The following PRKN variants were observed in gnomAD, a reference collection of about 807,000 sequenced individuals.
PRKN encodes parkin RBR E3 ubiquitin protein ligase.
In PRKN, 56 loss-of-function variants were observed where a neutral mutation model predicts 59.5. The ratio of observed to expected loss-of-function variants is 0.94; its 90% confidence interval spans 0.76 to 1.18. The LOEUF (loss-of-function observed/expected upper bound fraction) is 1.18. Ranked by LOEUF, PRKN falls within the 50% of genes most tolerant of loss-of-function variation. PRKN has a pLI of 0.00. For missense variants in PRKN, 657 were observed against 596.4 expected (o/e 1.10, Z -1.06); for synonymous variants, 250 against 222.1 (o/e 1.13, Z -1.12).
At chr6:162,374,113 G>A (rs1785913925) in intron 2 of PRKN, among the ~76,000 whole-genome samples, 1 of 152,202 alleles carries the variant, frequency 6.6e-6, no homozygotes, top group African/African-American at 2.4e-5. Flanking sequence ...AATACGCAAG[G>A]AGGCAGCTTA....
chr6:162,673,649 G>C (rs188151894), intron 1 of PRKN, among the ~76,000 whole-genome samples: 2 of 152,270 alleles, frequency 1.3e-5, no homozygotes, highest in Admixed American at 6.5e-5. Flanking sequence ...GCCTCCTAAA[G>C]TGCTGGGATT....
chr6:162,443,090 C>T (rs1056447148), intron 2 of PRKN, among the ~76,000 whole-genome samples: 5 of 152,134 alleles, frequency 3.3e-5, no homozygotes, highest in African/African-American at 1.2e-4. Context: ...TTCTCTCTCT[C>T]TTTCTCACTC....
chr6:161,493,763 GCTT>G (rs1777644523), intron 9 of PRKN, among the ~76,000 whole-genome samples: 1 of 152,218 alleles, frequency 6.6e-6, no homozygotes, highest in Non-Finnish European at 1.5e-5. Context: ...AGAAGCAAAA[GCTT>G]CTTCTCTTGG....
intron 9 of PRKN, among the ~76,000 whole-genome samples, chr6:161,434,874 G>C (rs1267537479): frequency 3.9e-5 from 6 of 152,104 alleles, no homozygotes. Flanking sequence ...AAGACCACAA[G>C]TTTGGCGCGG....
In PRKN at chr6:162,661,130, G is replaced by A. The variant is rs6916679; in HGVS notation, c.7+66532C>T. 5.2e-3 allele frequency among the ~76,000 whole-genome samples: 794 copies of A among 152,090 alleles called. 9 individuals carry two copies. Among genetic ancestry groups the A allele is most frequent in the African/African-American group, 0.018 (739 of 41,510 alleles). ...TACAAAATTAGCCAGGAGTGGTGGC[G>A]CATGCCTGTAGTCCCAGCTACTCAG... On this transcript the variant is annotated intron_variant, in intron 1 of 11. Coordinates refer to ENST00000366898, the MANE Select transcript of PRKN (RefSeq NM_004562.3).
At position 162,074,741 on chromosome 6, in the gene PRKN, T is replaced by C. The variant is rs143261617; in HGVS notation, c.535-20567A>G. On this transcript the variant is annotated intron_variant, in intron 4 of 11. Transcript: ENST00000366898. ...GTTTTGACACAGTCAATCACCATCA[T>C]TACTTACCGAGTCCCTCCATGCAGG... Among the ~76,000 whole-genome samples the C allele has an allele frequency of 3.9e-5, 6 of 152,276 alleles. No homozygotes were observed. In the East Asian group the frequency reaches 7.8e-4, roughly 20 times the overall value.
At chr6:162,568,447 G>T in intron 1 of PRKN, 1 of 616,418 alleles carries the variant, frequency 1.6e-6, no homozygotes, top group East Asian at 3.1e-5. Context: ...GCTTCCGGGG[G>T]TGGCCTGGGT....
At chr6:162,131,399 C>T (rs1407956630) in intron 4 of PRKN, among the ~76,000 whole-genome samples, 2 of 152,158 alleles carry the variant, frequency 1.3e-5, no homozygotes, top group Admixed American at 1.3e-4. Flanking sequence ...TCATAGCACA[C>T]ATTTCCAGGT....
chr6:162,583,210 CCT>C (rs1186284688), intron 1 of PRKN, among the ~76,000 whole-genome samples: 1 of 152,192 alleles, frequency 6.6e-6, no homozygotes, highest in Non-Finnish European at 1.5e-5. Flanking sequence ...GACTTCCCAG[CCT>C]CCAGAAGAGT....
chr6:161,642,813 G>T (rs1783791535), intron 7 of PRKN, among the ~76,000 whole-genome samples: 1 of 152,164 alleles, frequency 6.6e-6, no homozygotes, highest in Admixed American at 6.5e-5. Flanking sequence ...AATGTGGTGG[G>T]TTAATCAGAA....
chr6:161,591,237 T>C (rs960329768), intron 7 of PRKN, among the ~76,000 whole-genome samples: 1 of 152,130 alleles, frequency 6.6e-6, no homozygotes, highest in African/African-American at 2.4e-5. Flanking sequence ...GTATGAAAAA[T>C]TCTTTCTCTT....
intron 9 of PRKN, among the ~76,000 whole-genome samples, chr6:161,514,713 G>C (rs931989086): frequency 6.6e-6 from 1 of 152,086 alleles, no homozygotes; most frequent in Admixed American, 6.5e-5. Context: ...TCCAGGGAAA[G>C]GGGACCCAGT....
chr6:161,882,352 G>T lies in PRKN; in HGVS notation c.734+90950C>A, dbSNP rs912363980. 6.6e-5 allele frequency among the ~76,000 whole-genome samples: 10 copies of T among 152,244 alleles called. No individual in the cohort carries two copies. In the East Asian group the frequency reaches 1.7e-3, roughly 27 times the overall value. ...AACGGCATGGGGGCGGGGCGGGGGC[G>T]TGCGGTGCAAGAATCAGGCAGGTGG... On this transcript the variant is annotated intron_variant, in intron 6 of 11. Transcript: ENST00000366898.
At chr6:161,916,010 G>T (rs1437680300) in intron 6 of PRKN, among the ~76,000 whole-genome samples, 2 of 151,590 alleles carry the variant, frequency 1.3e-5, no homozygotes, top group African/African-American at 4.8e-5. Context: ...AAATGATAAA[G>T]AAAATAGCTA....
chr6:162,049,047 T>C (rs1777508017), intron 5 of PRKN, among the ~76,000 whole-genome samples: 1 of 152,162 alleles, frequency 6.6e-6, no homozygotes, highest in African/African-American at 2.4e-5. Context: ...GCGATTAGCA[T>C]AAAGCTGAAT....
At chr6:162,608,301 G>A (rs1021263829) in intron 1 of PRKN, among the ~76,000 whole-genome samples, 7 of 152,326 alleles carry the variant, frequency 4.6e-5, no homozygotes, top group East Asian at 3.9e-4. Flanking sequence ...GGTTGAAAGC[G>A]TAAGCTGGAG....
chr6:161,862,532 C>G (rs1793942869), intron 6 of PRKN, among the ~76,000 whole-genome samples: 1 of 152,054 alleles, frequency 6.6e-6, no homozygotes, highest in Admixed American at 6.6e-5. Flanking sequence ...AATGAATGGA[C>G]TAAAGACCAA....
chr6:162,271,781 G>T (rs1196274057), intron 2 of PRKN, among the ~76,000 whole-genome samples: 1 of 152,086 alleles, frequency 6.6e-6, no homozygotes, highest in Non-Finnish European at 1.5e-5. Context: ...AATTGGATGA[G>T]AACAGAAACT....
intron 2 of PRKN, among the ~76,000 whole-genome samples, chr6:162,289,248 G>A (rs1361920174): frequency 2.0e-5 from 3 of 152,000 alleles, no homozygotes; most frequent in Non-Finnish European, 4.4e-5. Context: ...ACATCGTCCT[G>A]CCTCTGTGCT....
Sources: allele counts gnomAD v4.1 joint callset (sites outside exome capture counted in the v4.1 genomes callset), GRCh38; gene constraint gnomAD v4.1.1; transcripts MANE v1.5; gene names NCBI Gene and HGNC (gene_info 2026-07-23, HGNC 2026-07-21).